Variants in SDK1 observed in about 807,000 individuals in gnomAD.
The protein encoded by SDK1 is protein sidekick-1.
A neutral mutation model predicts 245.5 loss-of-function variants in SDK1; 157 were observed. The observed-to-expected ratio is 0.64, with a 90% CI of 0.56 to 0.73. The LOEUF is 0.73. SDK1 is among the 30% of genes least tolerant of loss of function. The pLI is 0.00. For synonymous variants in SDK1, 1,647 were observed against 1,278.5 expected (o/e 1.29, Z -6.15); for missense variants, 3,583 against 3,002.3 (o/e 1.19, Z -4.52).
chr7:4,015,767 C>G (rs1051349778), intron 16 of SDK1, among the ~76,000 whole-genome samples: 3 of 152,188 alleles, frequency 2.0e-5, no homozygotes, highest in African/African-American at 7.2e-5. Flanking sequence ...GCCCAGAGGC[C>G]ACTTGCTCCT....
chr7:3,909,764 A>G (rs969055067), intron 5 of SDK1, among the ~76,000 whole-genome samples: 2 of 152,246 alleles, frequency 1.3e-5, no homozygotes, highest in Admixed American at 6.5e-5. Flanking sequence ...CTTAATTCTC[A>G]TGGTCGATGG....
At chr7:3,616,716 A>G (rs1014417570) in intron 1 of SDK1, among the ~76,000 whole-genome samples, 2 of 152,256 alleles carry the variant, frequency 1.3e-5, no homozygotes, top group African/African-American at 4.8e-5. Context: ...GTGATCAACA[A>G]AATGACAAAA....
chr7:3,809,699 C>T (rs557075475), intron 4 of SDK1, among the ~76,000 whole-genome samples: 2 of 152,334 alleles, frequency 1.3e-5, no homozygotes, highest in East Asian at 1.9e-4. Context: ...TGCTTCCTAG[C>T]GGCTGCTGCG....
At chr7:3,486,685 A>G (rs935467786) in intron 1 of SDK1, among the ~76,000 whole-genome samples, 2 of 152,228 alleles carry the variant, frequency 1.3e-5, no homozygotes, top group South Asian at 4.1e-4. Context: ...GTTAAATTTC[A>G]ATAGGTAGAT....
chr7:3,781,066 GC>G (rs764930337), intron 4 of SDK1, among the ~76,000 whole-genome samples: 8 of 151,950 alleles, frequency 5.3e-5, no homozygotes, highest in Non-Finnish European at 7.4e-5. Flanking sequence ...TCAGTCAAAA[GC>G]CCACCTCATA....
Position 3,513,152 on chromosome 7 carries a change from A to G in SDK1, c.299-105928A>G, listed in dbSNP as rs149791423. Among the ~76,000 whole-genome samples the G allele has an allele frequency of 1.8e-3, 275 of 152,330 alleles. 1 individual carries two copies. Among genetic ancestry groups the G allele is most frequent in the African/African-American group, 6.1e-3 (254 of 41,588 alleles). On this transcript the variant is annotated intron_variant, in intron 1 of 44. Coordinates refer to ENST00000404826, the MANE Select transcript of SDK1 (RefSeq NM_152744.4). ...TAGCAGCTAACAGTTACTGAGCTCT[A>G]TGTCTGTGACAGACACTAGATTTAG...
intron 1 of SDK1, among the ~76,000 whole-genome samples, chr7:3,356,406 T>C (rs565239549): frequency 2.0e-5 from 3 of 152,178 alleles, no homozygotes; most frequent in Admixed American, 1.3e-4. Context: ...TTACCGCTCT[T>C]TAAAGATTGA....
intron 32 of SDK1, among the ~76,000 whole-genome samples, chr7:4,165,952 ACTT>A (rs1426869307): frequency 6.6e-6 from 1 of 151,902 alleles, no homozygotes; most frequent in Non-Finnish European, 1.5e-5. Flanking sequence ...ATGCTTGGCT[ACTT>A]CTTCAAAAAA....
intron 1 of SDK1, among the ~76,000 whole-genome samples, chr7:3,428,217 C>T (rs1316403284): frequency 6.6e-6 from 1 of 152,164 alleles, no homozygotes; most frequent in African/African-American, 2.4e-5. Context: ...GTTATTTACT[C>T]AGTGATTGGT....
chr7:3,388,390 A>G (rs886107895), intron 1 of SDK1, among the ~76,000 whole-genome samples: 1 of 133,342 alleles, frequency 7.5e-6, no homozygotes, highest in East Asian at 2.0e-4. Flanking sequence ...ATTGAAGATT[A>G]AAAAAAAAAA....
At chr7:3,438,501 C>G (rs891801762) in intron 1 of SDK1, among the ~76,000 whole-genome samples, 4 of 152,178 alleles carry the variant, frequency 2.6e-5, no homozygotes, top group African/African-American at 9.6e-5. Flanking sequence ...GTGAGGACAG[C>G]TGCAGAGACA....
chr7:4,009,457 G>C (rs1329686591), intron 14 of SDK1, among the ~76,000 whole-genome samples: 1 of 152,226 alleles, frequency 6.6e-6, no homozygotes, highest in Non-Finnish European at 1.5e-5. Flanking sequence ...GGCTCCCAGA[G>C]TAAAAAGGGA....
At chr7:3,918,048 C>A (rs1033793590) in intron 5 of SDK1, among the ~76,000 whole-genome samples, 10 of 152,172 alleles carry the variant, frequency 6.6e-5, no homozygotes, top group Admixed American at 6.5e-4. Context: ...TTGGAGTCCC[C>A]TTCTAGGTAG....
intron 14 of SDK1, among the ~76,000 whole-genome samples, chr7:3,994,815 C>T (rs1480042015): frequency 1.3e-5 from 2 of 152,124 alleles, no homozygotes; most frequent in Non-Finnish European, 2.9e-5. Context: ...GGCTGTTGCC[C>T]ATCACTGTGA....
chr7:3,708,642 C>T (rs1201148272), intron 4 of SDK1, among the ~76,000 whole-genome samples: 3 of 92,044 alleles, frequency 3.3e-5, no homozygotes, highest in African/African-American at 1.3e-4. Flanking sequence ...TCCCACCAGG[C>T]CCTCCATACC....
At chr7:3,414,307 AT>A (rs1259433564) in intron 1 of SDK1, among the ~76,000 whole-genome samples, 2 of 152,164 alleles carry the variant, frequency 1.3e-5, no homozygotes, top group Non-Finnish European at 1.5e-5. Flanking sequence ...ATGTGACGGA[AT>A]GGACTGTTTG....
chr7:3,536,921 C>A (rs1252575035), intron 1 of SDK1, among the ~76,000 whole-genome samples: 1 of 151,962 alleles, frequency 6.6e-6, no homozygotes, highest in Non-Finnish European at 1.5e-5. Flanking sequence ...ATTATAAAAC[C>A]ATATTCTTTA....
At chr7:3,903,859 C>G (rs985388946) in intron 5 of SDK1, among the ~76,000 whole-genome samples, 1 of 152,046 alleles carries the variant, frequency 6.6e-6, no homozygotes. Context: ...TGAGTTCTTG[C>G]CCTATTGGTT....
At chr7:3,854,681 G>A (rs780703214) in intron 5 of SDK1, among the ~76,000 whole-genome samples, 3 of 152,190 alleles carry the variant, frequency 2.0e-5, no homozygotes, top group Non-Finnish European at 4.4e-5. Context: ...GTATTTCTCT[G>A]CAATATCTTC....
Sources: allele counts gnomAD v4.1 joint callset (sites outside exome capture counted in the v4.1 genomes callset), GRCh38; gene constraint gnomAD v4.1.1; transcripts MANE v1.5; gene names NCBI Gene and HGNC (gene_info 2026-07-23, HGNC 2026-07-21).